The following DGAT1 variants were observed in gnomAD, a reference collection of about 807,000 sequenced individuals.
The protein encoded by DGAT1 is ACAT related gene product 1.
Under a neutral mutation model 72.6 loss-of-function variants are expected in DGAT1, and 60 were observed. The observed-to-expected ratio is 0.83, with a 90% CI of 0.67 to 1.02. DGAT1 has a LOEUF of 1.02. Among genes scored for constraint, DGAT1 ranks in the 50% least tolerant of loss-of-function variants. The pLI is 0.00. For synonymous variants in DGAT1, 290 were observed against 267.5 expected, an observed-to-expected ratio of 1.08 and a Z score of -0.82; for missense variants, 592 against 670.0, an observed-to-expected ratio of 0.88 and a Z score of 1.29.
chr8:144,318,676 CG>C, intron 5 of DGAT1, 22 bp downstream of exon 5: 1 of 1,608,510 alleles, frequency 6.2e-7, no homozygotes, highest in Non-Finnish European at 8.5e-7. Context: ...TGAGCACACA[CG>C]GAGGTGAGGG....
chr8:144,320,130 T>C (rs1479340282), intron 2 of DGAT1, among the ~76,000 whole-genome samples: 1 of 152,150 alleles, frequency 6.6e-6, no homozygotes, highest in African/African-American at 2.4e-5. Context: ...GGTACCCACC[T>C]CCAGGCCCAG....
chr8:144,319,373 A>G (rs1312349299), intron 2 of DGAT1, among the ~76,000 whole-genome samples: 1 of 152,160 alleles, frequency 6.6e-6, no homozygotes, highest in Admixed American at 6.5e-5. Flanking sequence ...CAGGAGCAGA[A>G]AGACCAGCTG....
Position 144,315,839 on chromosome 8 carries a change from AATAGCCATGGAC to A in DGAT1, c.*703_*714del, listed in dbSNP as rs1817189912. 1.0e-6 allele frequency: 1 copy of A among 985,226 alleles called. No homozygotes were observed. Among genetic ancestry groups the A allele is most frequent in the African/African-American group, 1.7e-5 (1 of 57,254 alleles). 61.0% of individuals were successfully genotyped at this position (985,226 alleles called of 1,614,324 possible). On this transcript the variant is annotated 3_prime_UTR_variant, in exon 17 of 17. Coordinates refer to ENST00000528718, the MANE Select transcript of DGAT1 (RefSeq NM_012079.6). The stretch of plus-strand genomic sequence containing the variant: ...CCAAACCGAGCCCTGCCCCAAGGCG[AATAGCCATGGAC>A]ATAGCCATTGTGTACCGTAGCCCCT...
rs782178335 is a variant in DGAT1 at position 144,317,704 on chromosome 8, G to A, written c.903C>T (p.Val301=). 4 of 1,613,298 alleles carry A rather than the reference G, an allele frequency of 2.5e-6. No individual in the cohort carries two copies. Among genetic ancestry groups the A allele is most frequent in the Non-Finnish European group, 1.7e-6 (2 of 1,179,956 alleles). ...GCTTCATGGAGTTCTGGATGGTGGG[G>A]ACCATCCACTGCAAAGGAGGGCACC... is the stretch of plus-strand genomic sequence containing the variant. The part of the protein sequence containing the change: ...LQVGLIQQWM[V]PTIQNSMKPF... The change falls in exon 11 of 17, where the codon GTC becomes GTT. Residue 301 remains valine, a synonymous_variant. Coordinates refer to ENST00000528718, the MANE Select transcript of DGAT1 (RefSeq NM_012079.6).
chr8:144,318,407 G>C, intron 6 of DGAT1, 45 bp from the exon 7 acceptor site: 1 of 1,609,982 alleles, frequency 6.2e-7, no homozygotes, highest in South Asian at 1.1e-5. Flanking sequence ...CACAGCCGGA[G>C]GCCATGCCCG....
At chr8:144,318,438 G>A (rs1588682499) in intron 6 of DGAT1, 23 bp downstream of exon 6, 2 of 1,610,152 alleles carry the variant, frequency 1.2e-6, no homozygotes, top group Non-Finnish European at 8.5e-7. Context: ...GAGACAGATG[G>A]GCAGGGTGGG....
In DGAT1 at chr8:144,326,746, G is replaced by A; in HGVS notation, c.-110C>T. 1.1e-6 allele frequency: 1 copy of A among 933,344 alleles called. No homozygotes were observed. Among genetic ancestry groups the A allele is most frequent in the Non-Finnish European group, 1.3e-6 (1 of 757,012 alleles). 57.8% of individuals were successfully genotyped at this position (933,344 alleles called of 1,614,324 possible). ...TAGACAACGGCCGCCACTGCCCCCT[G>A]CCGGCCGCCGTAGCCCGGGTGACCG... On this transcript the variant is annotated 5_prime_UTR_variant, in exon 1 of 17. Transcript: ENST00000528718.
In DGAT1 at chr8:144,314,982, T is replaced by C; in HGVS notation, c.*1572A>G. On this transcript the variant is annotated 3_prime_UTR_variant, in exon 17 of 17. Coordinates refer to ENST00000528718, the MANE Select transcript of DGAT1 (RefSeq NM_012079.6). The stretch of plus-strand genomic sequence containing the variant: ...ACCACCAGGAACCCCCTTCCCAAGG[T>C]GTTCGCACTCGGACAGGTGATGCGG... The C allele has an allele frequency of 2.3e-5, 23 of 985,852 alleles. No homozygotes were observed. Among genetic ancestry groups the C allele is most frequent in the Non-Finnish European group, 2.8e-5 (23 of 830,290 alleles). The allele number at this position is 985,852 out of a possible 1,614,324, so 61.1% of individuals were successfully genotyped here.
chr8:144,320,644 A>G (rs1817424201), intron 2 of DGAT1, among the ~76,000 whole-genome samples: 1 of 152,038 alleles, frequency 6.6e-6, no homozygotes, highest in Non-Finnish European at 1.5e-5. Flanking sequence ...CTAGACTCCA[A>G]CTACTTCTGG....
At chr8:144,322,900 G>A (rs1305304834) in intron 1 of DGAT1, among the ~76,000 whole-genome samples, 1 of 152,048 alleles carries the variant, frequency 6.6e-6, no homozygotes, top group Non-Finnish European at 1.5e-5. Context: ...ACTGACCACC[G>A]CCCTTGGCTC....
intron 1 of DGAT1, among the ~76,000 whole-genome samples, chr8:144,324,443 C>G (rs1377792533): frequency 6.6e-6 from 1 of 152,198 alleles, no homozygotes; most frequent in Non-Finnish European, 1.5e-5. Context: ...AGTGGCCGAG[C>G]CCTGCTGCAT....
At position 144,318,302 on chromosome 8, in the gene DGAT1, C is replaced by G; in HGVS notation, c.635G>C (p.Arg212Pro). The change falls in exon 7 of 17, where the codon CGC becomes CCC. Residue 212 changes from arginine to proline, a missense_variant. Transcript: ENST00000528718. The part of the protein sequence containing the change: ...TILFLKLFSY[R>P]DVNSWCRRAR... Reference sequence around the variant, plus strand: ...CCTGCGGCACCATGAGTTGACGTCGCGGTAGGAGAAGAGCTTGAGGAAGAG... The same window carrying G: ...CCTGCGGCACCATGAGTTGACGTCGGGGTAGGAGAAGAGCTTGAGGAAGAG... 3.7e-6 allele frequency: 6 copies of G among 1,612,774 alleles called. No individual in the cohort carries two copies. Among genetic ancestry groups the G allele is most frequent in the Non-Finnish European group, 5.1e-6 (6 of 1,179,860 alleles).
intron 5 of DGAT1, 58 bp from the exon 6 acceptor site, chr8:144,318,624 A>T: frequency 6.2e-7 from 1 of 1,604,230 alleles, no homozygotes; most frequent in Non-Finnish European, 8.5e-7. Context: ...GAGGGCTGCC[A>T]GGCCTGGGGA....
At position 144,316,526 on chromosome 8, in the gene DGAT1, A is replaced by G. The variant is rs1334998764; in HGVS notation, c.*28T>C. The G allele has an allele frequency of 2.6e-6, 4 of 1,560,540 alleles. No homozygotes were observed. In the African/African-American group the frequency reaches 5.4e-5, roughly 21 times the overall value. On this transcript the variant is annotated 3_prime_UTR_variant, in exon 17 of 17. Coordinates refer to ENST00000528718, the MANE Select transcript of DGAT1 (RefSeq NM_012079.6). ...GCTCTGGCAGCGGGTGTGAGGTGGC[A>G]GTGAGAAGCCAGGCCCTCAGGTGCA... is the stretch of plus-strand genomic sequence containing the variant.
At chr8:144,320,593 G>C (rs1554848007) in intron 2 of DGAT1, among the ~76,000 whole-genome samples, 1 of 152,156 alleles carries the variant, frequency 6.6e-6, no homozygotes, top group Admixed American at 6.5e-5. Context: ...GGCCCAGATA[G>C]CCCTTGTCCC....
chr8:144,324,961 G>A (rs1483811219), intron 1 of DGAT1, among the ~76,000 whole-genome samples: 1 of 152,088 alleles, frequency 6.6e-6, no homozygotes, highest in Non-Finnish European at 1.5e-5. Context: ...CTACTCTGGA[G>A]GCTGAGGCAG....
chr8:144,317,571 G>A lies in DGAT1; in HGVS notation c.954C>T (p.Arg318=). Residue 318 remains arginine (R), a synonymous_variant, in exon 12 of 17, where the codon CGC becomes CGT. Transcript: ENST00000528718. ...CCAGCTTCAGGAGGCGCTCGATGAT[G>A]CGTGAGTAGTCCATGTCCTGCAGAA... is the stretch of plus-strand genomic sequence containing the variant. ...MKPFKDMDYS[R]IIERLLKLAV... 1 of 1,613,898 alleles carries A rather than the reference G, an allele frequency of 6.2e-7. No individual in the cohort carries two copies. The highest frequency in any genetic ancestry group is 2.2e-5 in the East Asian group (1 of 44,890).
At chr8:144,321,955 T>C (rs1015208585) in intron 1 of DGAT1, among the ~76,000 whole-genome samples, 7 of 152,246 alleles carry the variant, frequency 4.6e-5, no homozygotes, top group African/African-American at 1.7e-4. Flanking sequence ...CACACCAGCC[T>C]GACATGCACT....
chr8:144,315,378 C>T lies in DGAT1; in HGVS notation c.*1176G>A. The T allele has an allele frequency of 4.1e-6, 4 of 985,486 alleles. No individual in the cohort carries two copies. The highest frequency in any genetic ancestry group is 5.2e-4 in the Middle Eastern group (1 of 1,920). 61.0% of individuals were successfully genotyped at this position (985,486 alleles called of 1,614,324 possible). On this transcript the variant is annotated 3_prime_UTR_variant, in exon 17 of 17. Coordinates refer to ENST00000528718, the MANE Select transcript of DGAT1 (RefSeq NM_012079.6). ...ATACCACCAAGGGAGCCCACCCTCC[C>T]CTCACACCACCAGTTCAGCAGGTTG...
Sources: allele counts gnomAD v4.1 joint callset (sites outside exome capture counted in the v4.1 genomes callset), GRCh38; gene constraint gnomAD v4.1.1; transcripts MANE v1.5; gene names NCBI Gene and HGNC (gene_info 2026-07-23, HGNC 2026-07-21).